SLCO1C1: variants seen among roughly 807,000 people sequenced by gnomAD.
SLCO1C1 encodes solute carrier organic anion transporter family member 1C1, also known as OAT-RP-5.
SLCO1C1 carries 70 observed loss-of-function variants against 76.4 expected under a neutral mutation model. The ratio of observed to expected loss-of-function variants is 0.92; its 90% CI spans 0.76 to 1.12. SLCO1C1 has a LOEUF of 1.12. SLCO1C1 is among the 50% of genes most tolerant of loss of function. The pLI is 0.00. For synonymous variants in SLCO1C1, 306 were observed against 286.1 expected (o/e 1.07, Z -0.70); for missense variants, 912 against 823.8 (o/e 1.11, Z -1.31).
chr12:20,707,039 A>C (rs937760317), intron 4 of SLCO1C1, among the ~76,000 whole-genome samples: 1 of 99,538 alleles, frequency 1.0e-5, no homozygotes, highest in Non-Finnish European at 2.1e-5. Context: ...CACTTATGTA[A>C]GTACAGTCAG....
At chr12:20,717,648 C>CTTTTTTTTTTTT (rs534946900) in intron 7 of SLCO1C1, among the ~76,000 whole-genome samples, 27 of 42,314 alleles carry the variant, frequency 6.4e-4, no homozygotes, top group African/African-American at 1.1e-3. Flanking sequence ...AACAGCCCTT[C>CTTTTTTTTTTTT]TTTTTTTTTT....
intron 10 of SLCO1C1, among the ~76,000 whole-genome samples, chr12:20,736,254 A>T (rs1251709348): frequency 7.3e-6 from 1 of 136,058 alleles, no homozygotes; most frequent in African/African-American, 2.5e-5. Context: ...TATAAAAGCG[A>T]ATGGCAGAGA....
intron 1 of SLCO1C1, among the ~76,000 whole-genome samples, chr12:20,698,265 CTT>C (rs1946355948): frequency 6.6e-6 from 1 of 150,916 alleles, no homozygotes; most frequent in Non-Finnish European, 1.5e-5. Flanking sequence ...AAATTTTTCT[CTT>C]TCACTCACTC....
Position 20,706,037 on chromosome 12 carries a change from A to T in SLCO1C1, c.360A>T (p.Gly120=). ...KIIGAGCVIM[G]VGTLLIAMPQ... ...TTGGAGCAGGGTGTGTAATCATGGG[A>T]GTTGGAACACTGCTCATTGCAATGC... Residue 120 remains glycine, a synonymous_variant, in exon 4 of 15, where the codon GGA becomes GGT. Transcript: ENST00000266509. 6.2e-7 allele frequency: 1 copy of T among 1,613,374 alleles called. No individual in the cohort carries two copies. The highest frequency in any genetic ancestry group is 8.5e-7 in the Non-Finnish European group (1 of 1,179,482).
rs1391930843 is a variant in SLCO1C1, at chr12:20,723,254, G to A, written c.1186G>A (p.Gly396Arg). 6.8e-6 allele frequency: 11 copies of A among 1,613,178 alleles called. No individual in the cohort carries two copies. Among genetic ancestry groups the A allele is most frequent in the African/African-American group, 1.3e-5 (1 of 74,950 alleles). Reference protein sequence around the residue: ...QSSSRANFVIGLINIPAVALG... With the variant: ...QSSSRANFVIRLINIPAVALG... ...ATCCTCCAGGGCCAACTTTGTGATC[G>A]GTATGCTCATCTGCCTTTCATGCTT... The change falls in exon 9 of 15, where the codon GGG becomes AGG. Residue 396 changes from glycine (G) to arginine (R), a missense_variant and splice_region_variant. Transcript: ENST00000266509.
intron 5 of SLCO1C1, among the ~76,000 whole-genome samples, chr12:20,713,166 G>C (rs906433339): frequency 3.4e-5 from 5 of 148,388 alleles, no homozygotes; most frequent in African/African-American, 1.2e-4. Flanking sequence ...TGCAAGCTCC[G>C]CCTCCCGGGT....
Position 20,752,780 on chromosome 12 carries a change from A to G in SLCO1C1, c.*252A>G, listed in dbSNP as rs1949374245. On this transcript the variant is annotated 3_prime_UTR_variant, in exon 15 of 15. Transcript: ENST00000266509. ...TTATATCACTTACTTATTTCACTTT[A>G]TTTTGCTTTGTGCTCATTGATATAT... 1 of 256,720 alleles carries G rather than the reference A, an allele frequency of 3.9e-6. No homozygotes were observed. The highest frequency in any genetic ancestry group is 7.3e-6 in the Non-Finnish European group (1 of 137,212). The allele number at this position is 256,720 out of a possible 1,614,324, so 15.9% of individuals were successfully genotyped here. A position where few individuals can be genotyped will look rare whatever the true frequency, so the allele number is the denominator to read the frequency against.
chr12:20,748,597 A>AT (rs1484040766), intron 13 of SLCO1C1, among the ~76,000 whole-genome samples: 1 of 152,020 alleles, frequency 6.6e-6, no homozygotes, highest in Non-Finnish European at 1.5e-5. Flanking sequence ...ATAGTGTTTT[A>AT]TTTTTTCTTT....
intron 5 of SLCO1C1, among the ~76,000 whole-genome samples, chr12:20,713,937 T>A (rs1340883667): frequency 6.6e-6 from 1 of 152,240 alleles, no homozygotes; most frequent in Non-Finnish European, 1.5e-5. Context: ...CTTCTTAAAA[T>A]TATACAATTG....
At chr12:20,701,171 G>C (rs941161583) in intron 2 of SLCO1C1, 147 bp from the exon 3 acceptor site, 3 of 745,142 alleles carry the variant, frequency 4.0e-6, no homozygotes, top group Non-Finnish European at 5.7e-6. Flanking sequence ...ACCTCGAACA[G>C]TGTTTGAATT....
In SLCO1C1 at chr12:20,701,318, G is replaced by T. The variant is rs749971323; in HGVS notation, c.130G>T (p.Val44Leu). Residue 44 changes from valine to leucine, a missense_variant and splice_region_variant, in exon 3 of 15, where the codon GTG becomes TTG. Val to Leu is a conservative substitution (Grantham distance 32). Coordinates refer to ENST00000266509, the MANE Select transcript of SLCO1C1 (RefSeq NM_017435.5). ...AAGTGTGACCTGTCATATTTTCCAG[G>T]TGTTCTTGTGTGCCTTGTCTTTTGT... ...EKQPCCGELK[V>L]FLCALSFVYF... 6.7e-7 allele frequency: 1 copy of T among 1,498,308 alleles called. No homozygotes were observed. Among genetic ancestry groups the T allele is most frequent in the Non-Finnish European group, 9.0e-7 (1 of 1,105,372 alleles). The allele number at this position is 1,498,308 out of a possible 1,614,324, so 92.8% of individuals were successfully genotyped here. A position where few individuals can be genotyped will look rare whatever the true frequency, so the allele number is the denominator to read the frequency against.
intron 4 of SLCO1C1, among the ~76,000 whole-genome samples, chr12:20,710,499 G>A (rs544063969): frequency 4.6e-5 from 7 of 152,034 alleles, no homozygotes; most frequent in African/African-American, 1.7e-4. Flanking sequence ...TGGAGAACGT[G>A]GCATATGAAG....
At chr12:20,732,398 G>A (rs2120823732) in intron 9 of SLCO1C1, among the ~76,000 whole-genome samples, 1 of 152,238 alleles carries the variant, frequency 6.6e-6, no homozygotes, top group South Asian at 2.1e-4. Context: ...TTAGTTCAGT[G>A]GCTGGTACGT....
intron 6 of SLCO1C1, 118 bp from the exon 7 acceptor site, chr12:20,717,014 T>G: frequency 4.9e-5 from 40 of 814,572 alleles, no homozygotes; most frequent in Admixed American, 8.7e-5. Flanking sequence ...CACATGCAAA[T>G]GAGTTAAAAC....
chr12:20,699,797 T>C (rs35018358), intron 2 of SLCO1C1, 92 bp downstream of exon 2: 60,996 of 1,313,428 alleles, frequency 0.046, 1,569 homozygotes, highest in Middle Eastern at 0.052. Flanking sequence ...AATTGTTTTC[T>C]CCTTTAAAAA....
Position 20,705,985 on chromosome 12 carries a change from G to C in SLCO1C1, c.308G>C (p.Gly103Ala). ...GTTATAACATTTGTTAGCTACTTTG[G>C]AGCCAAACTTCACAGGCCAAAAATA... ...LLVITFVSYF[G>A]AKLHRPKIIG... Residue 103 changes from glycine (G) to alanine (A), a missense_variant, in exon 4 of 15, where the codon GGA becomes GCA. Gly to Ala is a moderately conservative substitution (Grantham distance 60, BLOSUM62 0). Coordinates refer to ENST00000266509, the MANE Select transcript of SLCO1C1 (RefSeq NM_017435.5). The C allele has an allele frequency of 6.2e-7, 1 of 1,613,236 alleles. No individual in the cohort carries two copies. Among genetic ancestry groups the C allele is most frequent in the Non-Finnish European group, 8.5e-7 (1 of 1,179,414 alleles).
At position 20,701,347 on chromosome 12, in the gene SLCO1C1, C is replaced by A; in HGVS notation, c.159C>A (p.Tyr53Ter). ...TCTTGTGTGCCTTGTCTTTTGTTTACTTTGCCAAAGCATTGGCAGAAGGCT... is the reference window on the plus strand; with the variant it reads ...TCTTGTGTGCCTTGTCTTTTGTTTAATTTGCCAAAGCATTGGCAGAAGGCT... ...KVFLCALSFV[Y>*]FAKALAEGYL... The change falls in exon 3 of 15, where the codon TAC (tyrosine) becomes TAA (stop). Residue 53 changes from tyrosine (Y) to a stop codon, truncating the protein, a stop_gained. Transcript: ENST00000266509. LOFTEE classifies it high-confidence loss of function. 6.5e-7 allele frequency: 1 copy of A among 1,536,832 alleles called. No homozygotes were observed. Among genetic ancestry groups the A allele is most frequent in the Non-Finnish European group, 8.9e-7 (1 of 1,126,260 alleles).
At chr12:20,707,286 G>A (rs1042611137) in intron 4 of SLCO1C1, among the ~76,000 whole-genome samples, 1 of 152,064 alleles carries the variant, frequency 6.6e-6, no homozygotes, top group Non-Finnish European at 1.5e-5. Context: ...AGAATGGGAA[G>A]GAGAAGAATG....
intron 5 of SLCO1C1, among the ~76,000 whole-genome samples, chr12:20,712,734 T>C (rs1947175670): frequency 6.6e-6 from 1 of 152,204 alleles, no homozygotes; most frequent in Non-Finnish European, 1.5e-5. Flanking sequence ...ATGTCTTTTT[T>C]TCCAGGCAAT....
Sources: gnomAD v4.1 joint callset for allele counts (sites outside exome capture counted in the v4.1 genomes callset) on GRCh38, gnomAD v4.1.1 for gene constraint, MANE v1.5 for transcripts, NCBI Gene and HGNC (gene_info 2026-07-23, HGNC 2026-07-21) for gene names.